The following SIPA1L3 variants were observed in gnomAD, a reference collection of about 807,000 sequenced individuals.
The protein encoded by SIPA1L3 is signal-induced proliferation-associated 1-like protein 3.
Under a neutral mutation model 150.1 loss-of-function variants are expected in SIPA1L3, and 59 were observed. That is an observed-to-expected ratio of 0.39 (90% CI 0.32 to 0.49). The LOEUF is 0.49. SIPA1L3 is among the 20% of genes least tolerant of loss of function. The pLI is 0.86. For synonymous variants in SIPA1L3, 1,070 were observed against 1,077.6 expected (o/e 0.99, Z 0.14); for missense variants, 2,211 against 2,489.5 (o/e 0.89, Z 2.38).
intron 1 of SIPA1L3, among the ~76,000 whole-genome samples, chr19:37,987,463 C>T (rs1032499990): frequency 6.6e-6 from 1 of 152,198 alleles, no homozygotes; most frequent in African/African-American, 2.4e-5. Flanking sequence ...GGGGCTAGAT[C>T]ACTCTTTGAT....
chr19:38,057,955 C>G (rs1041178739), intron 2 of SIPA1L3, among the ~76,000 whole-genome samples: 1 of 152,164 alleles, frequency 6.6e-6, no homozygotes, highest in South Asian at 2.1e-4. Flanking sequence ...AGCCACCATG[C>G]CCGGCCTGAG....
intron 4 of SIPA1L3, among the ~76,000 whole-genome samples, chr19:38,090,944 T>C (rs1260652345): frequency 6.6e-6 from 1 of 152,206 alleles, no homozygotes; most frequent in East Asian, 1.9e-4. Flanking sequence ...GTCACCAGCC[T>C]CTGTCTCCCC....
intron 2 of SIPA1L3, among the ~76,000 whole-genome samples, chr19:38,078,458 ACACACACACACAGGCACACAGACATG>A (rs1351767032): frequency 1.8e-4 from 27 of 151,004 alleles, no homozygotes; most frequent in African/African-American, 5.9e-4. Context: ...ACACACACAC[ACACACACACACAGGCACACAGACATG>A]CACACACACA....
chr19:38,188,689 G>A (rs1353844695), intron 16 of SIPA1L3, among the ~76,000 whole-genome samples: 3 of 151,920 alleles, frequency 2.0e-5, no homozygotes, highest in Non-Finnish European at 2.9e-5. Context: ...TTGGGAGGCC[G>A]AGGCGGGCGG....
chr19:37,981,051 TAGTG>T (rs1160709981), intron 1 of SIPA1L3, among the ~76,000 whole-genome samples: 2 of 152,206 alleles, frequency 1.3e-5, no homozygotes, highest in Non-Finnish European at 2.9e-5. Flanking sequence ...GTTGGCCACA[TAGTG>T]AGTGCTCAAG....
chr19:37,975,750 C>A (rs1568485803), intron 1 of SIPA1L3, among the ~76,000 whole-genome samples: 1 of 152,180 alleles, frequency 6.6e-6, no homozygotes, highest in Non-Finnish European at 1.5e-5. Context: ...CTGCCAGACA[C>A]AGACTTGGTT....
chr19:38,040,536 A>C (rs1968894133), intron 2 of SIPA1L3, among the ~76,000 whole-genome samples: 3 of 152,216 alleles, frequency 2.0e-5, no homozygotes, highest in Non-Finnish European at 2.9e-5. Context: ...TTTGTGAGTC[A>C]ATCAGACTCA....
chr19:38,088,373 G>A (rs1370441717), intron 3 of SIPA1L3, among the ~76,000 whole-genome samples: 1 of 152,232 alleles, frequency 6.6e-6, no homozygotes, highest in East Asian at 1.9e-4. Context: ...GTGATGCTGG[G>A]TTGATGGCAT....
intron 2 of SIPA1L3, among the ~76,000 whole-genome samples, chr19:38,038,490 T>C (rs983417611): frequency 1.3e-5 from 2 of 150,058 alleles, no homozygotes; most frequent in East Asian, 2.0e-4. Flanking sequence ...CTCAGGAGGC[T>C]GAGGCAGGGA....
chr19:38,182,436 C>G lies in SIPA1L3; in HGVS notation c.4209-83C>G, dbSNP rs1972574966. ...TTGTGCAAATGAACTTTTTTGATTC[C>G]CAAGAGTAAACTTCAATAGCTCTGT... On this transcript the variant is annotated intron_variant, in intron 15 of 21. Coordinates refer to ENST00000222345, the MANE Select transcript of SIPA1L3 (RefSeq NM_015073.3). 2.8e-6 allele frequency: 3 copies of G among 1,060,866 alleles called. No individual in the cohort carries two copies. In the Admixed American group the frequency reaches 6.7e-5, roughly 24 times the overall value. The allele number at this position is 1,060,866 out of a possible 1,614,324, so 65.7% of individuals were successfully genotyped here.
intron 1 of SIPA1L3, among the ~76,000 whole-genome samples, chr19:37,927,850 T>A (rs2046520287): frequency 6.6e-6 from 1 of 152,094 alleles, no homozygotes; most frequent in African/African-American, 2.4e-5. Flanking sequence ...TCCAGCTACA[T>A]CCATGTTGCT....
intron 1 of SIPA1L3, among the ~76,000 whole-genome samples, chr19:38,013,452 C>T (rs1968154976): frequency 6.6e-6 from 1 of 152,126 alleles, no homozygotes; most frequent in Non-Finnish European, 1.5e-5. Context: ...ATAAAACATT[C>T]AAATGGTACA....
intron 1 of SIPA1L3, among the ~76,000 whole-genome samples, chr19:37,926,730 T>C (rs1274018125): frequency 1.3e-5 from 2 of 152,122 alleles, no homozygotes; most frequent in African/African-American, 2.4e-5. Context: ...AAAGGAGATA[T>C]GGCGCCAACT....
intron 2 of SIPA1L3, among the ~76,000 whole-genome samples, chr19:38,054,900 C>T (rs1001456689): frequency 2.0e-5 from 3 of 152,210 alleles, no homozygotes; most frequent in African/African-American, 2.4e-5. Context: ...AGCAGGTGAA[C>T]GGTGAAGAGT....
intron 11 of SIPA1L3, 68 bp downstream of exon 11, chr19:38,141,503 CCT>C (rs773209090): frequency 1.0e-5 from 15 of 1,475,086 alleles, no homozygotes; most frequent in Non-Finnish European, 1.4e-5. Flanking sequence ...TCCGCCCCTC[CCT>C]CTCCTCACTA....
chr19:38,146,700 G>A (rs980641432), intron 12 of SIPA1L3, among the ~76,000 whole-genome samples: 20 of 152,126 alleles, frequency 1.3e-4, no homozygotes, highest in African/African-American at 3.9e-4. Flanking sequence ...TGAGTGATCC[G>A]GGTCTCCACA....
chr19:38,185,514 C>T (rs1306205622), intron 16 of SIPA1L3: 1 of 152,072 alleles, frequency 6.6e-6, no homozygotes, highest in Non-Finnish European at 1.5e-5. Flanking sequence ...GCAGCCGCAA[C>T]AAACTACCAC....
intron 15 of SIPA1L3, among the ~76,000 whole-genome samples, chr19:38,165,628 T>A (rs923083655): frequency 3.9e-5 from 6 of 152,216 alleles, no homozygotes; most frequent in Non-Finnish European, 7.3e-5. Context: ...TGTAGTTTGG[T>A]CTTCCAGGCT....
chr19:37,915,224 G>A (rs1376084766), intron 1 of SIPA1L3, among the ~76,000 whole-genome samples: 1 of 152,206 alleles, frequency 6.6e-6, no homozygotes, highest in African/African-American at 2.4e-5. Context: ...AGCAGAGCCT[G>A]TCAAGTAAAA....
Sources: allele counts gnomAD v4.1 joint callset (sites outside exome capture counted in the v4.1 genomes callset), GRCh38; gene constraint gnomAD v4.1.1; transcripts MANE v1.5; gene names NCBI Gene and HGNC (gene_info 2026-07-23, HGNC 2026-07-21).